Variants in SLC14A2 observed in about 807,000 individuals in gnomAD.
The protein encoded by SLC14A2 is urea transporter 2.
A neutral mutation model predicts 104.6 loss-of-function variants in SLC14A2; 91 were observed. The ratio of observed to expected loss-of-function variants is 0.87; its 90% CI spans 0.73 to 1.04. The LOEUF is 1.04. Ranked by LOEUF, SLC14A2 falls within the 50% of genes least tolerant of loss-of-function variation. The pLI, the probability that SLC14A2 is intolerant of heterozygous loss-of-function variation, is 0.00. For synonymous variants in SLC14A2, 476 were observed against 466.4 expected, an observed-to-expected ratio of 1.02 and a Z score of -0.27; for missense variants, 1,189 against 1,156.0, an observed-to-expected ratio of 1.03 and a Z score of -0.41.
chr18:45,224,198 G>C (rs2144001581), intron 1 of SLC14A2, among the ~76,000 whole-genome samples: 1 of 152,362 alleles, frequency 6.6e-6, no homozygotes, highest in East Asian at 1.9e-4. Context: ...CCACTGCCAT[G>C]GCAGCAGCCA....
chr18:45,251,540 A>G (rs1264518152), intron 1 of SLC14A2, among the ~76,000 whole-genome samples: 1 of 152,186 alleles, frequency 6.6e-6, no homozygotes, highest in Non-Finnish European at 1.5e-5. Context: ...TAAACAACAG[A>G]TATTTAAAGC....
At position 45,497,230 on chromosome 18, in the gene SLC14A2, C is replaced by A. The variant is rs372147792; in HGVS notation, c.-35+13908C>A. 5.3e-5 allele frequency among the ~76,000 whole-genome samples: 8 copies of A among 152,276 alleles called. No homozygotes were observed. The East Asian group carries it at 7.7e-4, about 15-fold the overall frequency. ...CCAATTTGGCTCTTTCCTCACTATA[C>A]CCTACTGCTTCCTGGACTCTTGCAA... On this transcript the variant is annotated intron_variant, in intron 2 of 20. Transcript: ENST00000586448.
intron 1 of SLC14A2, among the ~76,000 whole-genome samples, chr18:45,460,251 G>A (rs1279901468): frequency 6.6e-6 from 1 of 152,224 alleles, no homozygotes; most frequent in Non-Finnish European, 1.5e-5. Context: ...AGAGGAGGTA[G>A]AAGATGAGAC....
intron 1 of SLC14A2, among the ~76,000 whole-genome samples, chr18:45,256,008 G>C (rs1426198588): frequency 6.6e-6 from 1 of 152,150 alleles, no homozygotes; most frequent in African/African-American, 2.4e-5. Context: ...GGCAGTCATT[G>C]TACTTTTGAT....
intron 1 of SLC14A2, among the ~76,000 whole-genome samples, chr18:45,456,166 G>A (rs2086940101): frequency 6.6e-6 from 1 of 152,084 alleles, no homozygotes; most frequent in Admixed American, 6.6e-5. Flanking sequence ...GATCAAAAGT[G>A]TCCCCAGACA....
At chr18:45,269,935 AT>A (rs1359719232) in intron 1 of SLC14A2, among the ~76,000 whole-genome samples, 1 of 152,104 alleles carries the variant, frequency 6.6e-6, no homozygotes, top group Non-Finnish European at 1.5e-5. Flanking sequence ...CAGCATTTCT[AT>A]TTAACTTTTA....
chr18:45,391,753 G>A (rs907013862), intron 1 of SLC14A2, among the ~76,000 whole-genome samples: 24 of 152,042 alleles, frequency 1.6e-4, no homozygotes, highest in East Asian at 3.9e-4. Context: ...CATATCCTTC[G>A]CCCACTTTTT....
chr18:45,547,142 T>G (rs2043983872), intron 2 of SLC14A2, among the ~76,000 whole-genome samples: 1 of 152,042 alleles, frequency 6.6e-6, no homozygotes, highest in South Asian at 2.1e-4. Context: ...CCAGTTCTTG[T>G]AGTTATGAAA....
intron 10 of SLC14A2, among the ~76,000 whole-genome samples, chr18:45,645,812 A>AACTTTATT (rs2045615530): frequency 6.6e-6 from 1 of 152,120 alleles, no homozygotes; most frequent in Admixed American, 6.5e-5. Context: ...AAACTTTATT[A>AACTTTATT]AACAAGCAGT....
At chr18:45,317,172 G>T (rs558250183) in intron 1 of SLC14A2, among the ~76,000 whole-genome samples, 1 of 152,308 alleles carries the variant, frequency 6.6e-6, no homozygotes, top group South Asian at 2.1e-4. Flanking sequence ...AGGCTCAGTG[G>T]GAAGATGAAG....
At chr18:45,279,154 G>A (rs2084735422) in intron 1 of SLC14A2, among the ~76,000 whole-genome samples, 1 of 152,186 alleles carries the variant, frequency 6.6e-6, no homozygotes, top group South Asian at 2.1e-4. Context: ...CTGTCCAGTG[G>A]GCCAGGTTCT....
Position 45,453,018 on chromosome 18 carries a change from A to G in SLC14A2, c.-124-30215A>G, listed in dbSNP as rs1436212868. ...GTGTTCAACCCCGGACATCTTAGAG[A>G]GCAAGATGAGGCACTGTTAATAACT... On this transcript the variant is annotated intron_variant, in intron 1 of 20. Transcript: ENST00000586448. 3.3e-5 allele frequency among the ~76,000 whole-genome samples: 5 copies of G among 152,188 alleles called. No individual in the cohort carries two copies. The East Asian group carries it at 9.6e-4, about 29-fold the overall frequency.
At chr18:45,600,253 A>G (rs895441341) in intron 2 of SLC14A2, among the ~76,000 whole-genome samples, 2 of 151,902 alleles carry the variant, frequency 1.3e-5, no homozygotes, top group Admixed American at 6.6e-5. Flanking sequence ...TTTGCTACTT[A>G]TTGTCATACT....
rs750569942 is a variant in SLC14A2 at position 45,627,147 on chromosome 18, G to A, written c.521G>A (p.Arg174Lys). 2 of 1,613,726 alleles carry A rather than the reference G, an allele frequency of 1.2e-6. No individual in the cohort carries two copies. The highest frequency in any genetic ancestry group is 2.2e-5 in the East Asian group (1 of 44,884). The change falls in exon 4 of 20, where the codon AGG becomes AAG. Residue 174 changes from arginine (R) to lysine (K), a missense_variant and splice_region_variant. Arg to Lys is a conservative substitution (Grantham distance 26). Transcript: ENST00000255226. ...ACAGCTCTCGCCTTGGGCCAAGACA[G>A]GTGGGTCCCTCTCTATAGGGATTTT... is the stretch of plus-strand genomic sequence containing the variant. ...TLTALALGQD[R>K]SAIASGLHGY...
intron 2 of SLC14A2, among the ~76,000 whole-genome samples, chr18:45,557,964 C>T (rs1375234316): frequency 6.6e-6 from 1 of 152,106 alleles, no homozygotes; most frequent in African/African-American, 2.4e-5. Context: ...AAGTGACACA[C>T]CCAGGATGTC....
chr18:45,428,446 C>A (rs891519020), intron 1 of SLC14A2, among the ~76,000 whole-genome samples: 1 of 152,078 alleles, frequency 6.6e-6, no homozygotes, highest in Admixed American at 6.6e-5. Context: ...AAACACTGTG[C>A]ACAATATTGG....
At chr18:45,580,153 A>G (rs1473585023) in intron 2 of SLC14A2, among the ~76,000 whole-genome samples, 1 of 152,228 alleles carries the variant, frequency 6.6e-6, no homozygotes, top group Non-Finnish European at 1.5e-5. Context: ...ACAGCAGGCA[A>G]GGTTTTGATT....
At chr18:45,238,753 A>G (rs1216991795) in intron 1 of SLC14A2, among the ~76,000 whole-genome samples, 5 of 152,236 alleles carry the variant, frequency 3.3e-5, no homozygotes, top group Non-Finnish European at 1.5e-5. Context: ...TATACGTACA[A>G]CTAACGGCAA....
At chr18:45,226,128 C>T (rs2084114025) in intron 1 of SLC14A2, among the ~76,000 whole-genome samples, 1 of 152,170 alleles carries the variant, frequency 6.6e-6, no homozygotes. Context: ...GATACCATCT[C>T]ACACCAGTTA....
Sources: allele counts gnomAD v4.1 joint callset (sites outside exome capture counted in the v4.1 genomes callset), GRCh38; gene constraint gnomAD v4.1.1; transcripts MANE v1.5; gene names NCBI Gene and HGNC (gene_info 2026-07-23, HGNC 2026-07-21).